SLC36A1: variants seen among roughly 807,000 people sequenced by gnomAD.
The protein encoded by SLC36A1 is solute carrier family 36 member 1, also known as proton-coupled amino acid transporter 1.
Under a neutral mutation model 47.5 loss-of-function variants are expected in SLC36A1, and 30 were observed. The observed-to-expected ratio is 0.63, with a 90% CI of 0.47 to 0.86. The LOEUF is 0.86. Ranked by LOEUF, SLC36A1 falls within the 40% of genes least tolerant of loss-of-function variation. SLC36A1 has a pLI of 0.00. For missense variants in SLC36A1, 517 were observed against 606.0 expected (o/e 0.85, Z 1.54); for synonymous variants, 255 against 249.7 (o/e 1.02, Z -0.20).
At chr5:151,390,866 C>T in the SLC36A1 span, among the ~76,000 whole-genome samples, 1 of 152,306 alleles carries the variant, frequency 6.6e-6, no homozygotes, top group East Asian at 1.9e-4. Flanking sequence ...GTTCTTTTGG[C>T]TTAGGATTGT....
At chr5:151,504,791 A>G in the SLC36A1 span, 3 of 152,636 alleles carry the variant, frequency 2.0e-5, no homozygotes, top group African/African-American at 7.2e-5. Context: ...TCTTTAACAA[A>G]GAAGGTTCAG....
At chr5:151,454,709 G>GTTT (rs1561730689) in intron 1 of SLC36A1, among the ~76,000 whole-genome samples, 3 of 99,560 alleles carry the variant, frequency 3.0e-5, no homozygotes, top group South Asian at 3.8e-4. Flanking sequence ...CCATGTGACA[G>GTTT]CTTTTTTTTT....
chr5:151,414,041 GTACT>G, the SLC36A1 span, among the ~76,000 whole-genome samples: 1 of 152,060 alleles, frequency 6.6e-6, no homozygotes, highest in Non-Finnish European at 1.5e-5. Context: ...TACTTGCCAA[GTACT>G]TACTTTGTTA....
At chr5:151,502,867 AT>A in the SLC36A1 span, among the ~76,000 whole-genome samples, 1 of 148,474 alleles carries the variant, frequency 6.7e-6, no homozygotes, top group African/African-American at 2.6e-5. Flanking sequence ...GAATGGGTAA[AT>A]AAACTGTAGT....
chr5:151,359,948 T>G, the SLC36A1 span, among the ~76,000 whole-genome samples: 1 of 152,354 alleles, frequency 6.6e-6, no homozygotes. Flanking sequence ...TGGACGGTTT[T>G]TAGTTTTGGC....
At position 151,490,845 on chromosome 5, in the gene SLC36A1, T is replaced by C. The variant is rs1760050651; in HGVS notation, c.*2591T>C. 1 of 152,298 alleles carries C rather than the reference T, an allele frequency of 6.6e-6. No homozygotes were observed. The highest frequency in any genetic ancestry group is 1.5e-5 in the Non-Finnish European group (1 of 68,158). The allele number at this position is 152,298 out of a possible 1,614,324, so 9.4% of individuals were successfully genotyped here. On this transcript the variant is annotated 3_prime_UTR_variant, in exon 11 of 11. Transcript: ENST00000243389. Reference sequence around the variant, plus strand: ...AGTGGGAGGAAGCCCTTCCTCCTCTTATGCAAGCAGCTCGCAGCCAGCCCA... The same window carrying C: ...AGTGGGAGGAAGCCCTTCCTCCTCTCATGCAAGCAGCTCGCAGCCAGCCCA...
chr5:151,432,384 C>T (rs114994604), upstream of SLC36A1, among the ~76,000 whole-genome samples: 1,459 of 152,226 alleles, frequency 9.6e-3, 18 homozygotes, highest in African/African-American at 0.033. Context: ...CACCTTCTTG[C>T]TCCCACTCAA....
intron 1 of SLC36A1, 40 bp from the exon 2 acceptor site, chr5:151,458,748 C>T (rs1194038639): frequency 6.3e-7 from 1 of 1,598,422 alleles, no homozygotes; most frequent in Non-Finnish European, 8.6e-7. Context: ...GCTAAAGGCT[C>T]CAGCTGCAGG....
chr5:151,545,672 T>C, the SLC36A1 span: 1 of 1,614,090 alleles, frequency 6.2e-7, no homozygotes, highest in African/African-American at 1.3e-5. Context: ...AGGGTTCCCA[T>C]GCTGGGATCA....
At chr5:151,516,638 A>T in the SLC36A1 span, among the ~76,000 whole-genome samples, 1 of 152,200 alleles carries the variant, frequency 6.6e-6, no homozygotes, top group Non-Finnish European at 1.5e-5. Flanking sequence ...TATTATGTTT[A>T]TGTTTATTGT....
the SLC36A1 span, chr5:151,347,701 A>G: frequency 7.2e-6 from 4 of 558,916 alleles, no homozygotes; most frequent in African/African-American, 7.5e-5. Context: ...TGGAAAAGGC[A>G]TCACCCATTC....
rs774767678 is a variant in SLC36A1, at chr5:151,465,103, A to T, written c.353A>T (p.Asp118Val). The T allele has an allele frequency of 6.2e-7, 1 of 1,614,040 alleles. No homozygotes were observed. Among genetic ancestry groups the T allele is most frequent in the East Asian group, 2.2e-5 (1 of 44,884 alleles). The change falls in exon 5 of 11, where the codon GAT becomes GTT. Residue 118 changes from aspartate (D) to valine (V), a missense_variant. Physicochemically the swap from Asp to Val is radical, Grantham distance 152 (BLOSUM62 -3). Coordinates refer to ENST00000243389, the MANE Select transcript of SLC36A1 (RefSeq NM_078483.4). ...RLNKSFVDYG[D>V]TVMYGLESSP... ...AATAAATCCTTTGTGGATTATGGTG[A>T]TACTGTGATGTATGGACTAGAATCC...
the SLC36A1 span, among the ~76,000 whole-genome samples, chr5:151,540,008 G>A: frequency 1.3e-5 from 2 of 152,216 alleles, no homozygotes; most frequent in Non-Finnish European, 2.9e-5. Flanking sequence ...GGTTTGTCTG[G>A]GGTCAGGTCT....
At chr5:151,389,181 T>A in the SLC36A1 span, among the ~76,000 whole-genome samples, 1 of 152,274 alleles carries the variant, frequency 6.6e-6, no homozygotes, top group East Asian at 1.9e-4. Context: ...CCTCCCTCTG[T>A]CTCCACCTTC....
the SLC36A1 span, among the ~76,000 whole-genome samples, chr5:151,530,112 A>G: frequency 0.041 from 6,168 of 152,280 alleles, 409 homozygotes; most frequent in African/African-American, 0.14. Flanking sequence ...GGAAATGATT[A>G]GCAAAGCCTG....
At chr5:151,423,545 G>A in the SLC36A1 span, among the ~76,000 whole-genome samples, 3 of 152,182 alleles carry the variant, frequency 2.0e-5, no homozygotes, top group African/African-American at 7.2e-5. Flanking sequence ...TGAAAAGGCT[G>A]CATATTGCTT....
the SLC36A1 span, among the ~76,000 whole-genome samples, chr5:151,425,964 C>CTCTATCTATCTATCTATCTATCTATCTA: frequency 4.9e-4 from 72 of 148,168 alleles, 2 homozygotes; most frequent in East Asian, 1.2e-3. Flanking sequence ...CTCTCTCTCC[C>CTCTATCTATCTATCTATCTATCTATCTA]TCTATCTATC....
At chr5:151,511,913 C>T in the SLC36A1 span, 2,551 of 533,336 alleles carry the variant, frequency 4.8e-3, 52 homozygotes, top group African/African-American at 0.042. Flanking sequence ...CAACCCTCTG[C>T]CCCTGAGGTC....
chr5:151,533,327 G>T, the SLC36A1 span, among the ~76,000 whole-genome samples: 1 of 151,016 alleles, frequency 6.6e-6, no homozygotes, highest in Non-Finnish European at 1.5e-5. Flanking sequence ...ATGTATTCCA[G>T]ATCTCTCCTA....
Sources: allele counts gnomAD v4.1 joint callset (sites outside exome capture counted in the v4.1 genomes callset), GRCh38; gene constraint gnomAD v4.1.1; transcripts MANE v1.5; gene names NCBI Gene and HGNC (gene_info 2026-07-23, HGNC 2026-07-21).